ITGAE: variants seen among roughly 807,000 people sequenced by gnomAD.
ITGAE encodes the protein integrin subunit alpha E.
Under a neutral mutation model 136.5 loss-of-function variants are expected in ITGAE, and 99 were observed. The ratio of observed to expected loss-of-function variants is 0.73; its 90% CI spans 0.62 to 0.86. ITGAE has a LOEUF of 0.86. Among genes scored for constraint, ITGAE ranks in the 40% least tolerant of loss-of-function variants. The pLI is 0.00. For missense variants in ITGAE, 1,447 were observed against 1,515.3 expected (o/e 0.95, Z 0.75); for synonymous variants, 613 against 591.8 (o/e 1.04, Z -0.52).
chr17:3,772,656 G>A (rs935660877), intron 2 of ITGAE, among the ~76,000 whole-genome samples: 1 of 152,048 alleles, frequency 6.6e-6, no homozygotes, highest in Admixed American at 6.6e-5. Flanking sequence ...TAGGGACAAG[G>A]CTTCAGCATA....
chr17:3,762,050 C>A, intron 3 of ITGAE, 68 bp from the exon 4 acceptor site: 2 of 1,310,618 alleles, frequency 1.5e-6, no homozygotes, highest in South Asian at 2.5e-5. Context: ...AAGCCAAGGT[C>A]AGAGGGCACA....
Position 3,728,104 on chromosome 17 carries a change from C to A in ITGAE, c.2976+1G>T. 1 of 1,610,964 alleles carries A rather than the reference C, an allele frequency of 6.2e-7. No individual in the cohort carries two copies. The highest frequency in any genetic ancestry group is 1.1e-5 in the South Asian group (1 of 91,018). ...ACAGCTTTACAATAATAAGTACTTA[C>A]ATGGAAGAGGAATTCTTTGTGGTGA... On this transcript the variant is annotated splice_donor_variant, in intron 25 of 30. Transcript: ENST00000263087. LOFTEE classifies it high-confidence loss of function.
chr17:3,753,040 C>A (rs1597333608), intron 14 of ITGAE, among the ~76,000 whole-genome samples: 1 of 152,332 alleles, frequency 6.6e-6, no homozygotes, highest in African/African-American at 2.4e-5. Context: ...GAGAGCAAAA[C>A]TCCATCTCAA....
intron 1 of ITGAE, among the ~76,000 whole-genome samples, chr17:3,786,303 AG>A (rs2052796876): frequency 6.6e-6 from 1 of 152,132 alleles, no homozygotes; most frequent in Admixed American, 6.6e-5. Context: ...GTATCACCTG[AG>A]TAAGATATTT....
Position 3,745,834 on chromosome 17 carries a change from C to T in ITGAE, c.2249G>A (p.Gly750Asp). The change falls in exon 18 of 31, where the codon GGC becomes GAC. Residue 750 changes from glycine to aspartate, a missense_variant. This residue lies in a region of ITGAE where 1,031 missense variants were observed against 1,011.4 expected (regional missense o/e 1.02). Coordinates refer to ENST00000263087, the MANE Select transcript of ITGAE (RefSeq NM_002208.5). ...LQCSDVRSCL[G>D]CLREWSSGSQ... ...TCCGCTGCTCCACTCCCTCAGGCAG[C>T]CCAGACAGCTTCTTACGTCTGAACA... The T allele has an allele frequency of 3.1e-6, 5 of 1,614,074 alleles. No individual in the cohort carries two copies. The highest frequency in any genetic ancestry group is 4.2e-6 in the Non-Finnish European group (5 of 1,180,018).
At chr17:3,753,576 G>T (rs2051925005) in intron 13 of ITGAE, 146 bp from the exon 14 acceptor site, 11 of 1,168,584 alleles carry the variant, frequency 9.4e-6, no homozygotes, top group Non-Finnish European at 1.2e-5. Flanking sequence ...GAAGAGTGGA[G>T]GAGCAGCCCA....
chr17:3,723,084 C>T (rs751019966), intron 28 of ITGAE, among the ~76,000 whole-genome samples: 2 of 152,216 alleles, frequency 1.3e-5, no homozygotes, highest in Non-Finnish European at 2.9e-5. Context: ...CACAGGTAAT[C>T]CCTCGAGTTC....
chr17:3,797,228 C>T (rs1339679247), intron 1 of ITGAE, among the ~76,000 whole-genome samples: 26 of 138,274 alleles, frequency 1.9e-4, no homozygotes, highest in African/African-American at 6.2e-4. Context: ...TGCAGTGGCG[C>T]AATCTCGGCT....
At position 3,759,534 on chromosome 17, in the gene ITGAE, T is replaced by C; in HGVS notation, c.734A>G (p.Gln245Arg). ...KCFECNFALVQYGGVIQTEFD... is the reference protein window; with the variant it reads ...KCFECNFALVRYGGVIQTEFD... Reference sequence around the variant, plus strand: ...CTCAGTCTGGATCACTCCTCCATACTGCACCAAGGCAAAGTTGCACTGCAG... The same window carrying C: ...CTCAGTCTGGATCACTCCTCCATACCGCACCAAGGCAAAGTTGCACTGCAG... Residue 245 changes from glutamine to arginine, a missense_variant, in exon 8 of 31, where the codon CAG becomes CGG. Around this residue, in one of 3 missense-constraint regions of ITGAE, gnomAD observed 310 missense variants for 416.1 expected, o/e 0.74. Coordinates refer to ENST00000263087, the MANE Select transcript of ITGAE (RefSeq NM_002208.5). 1 of 1,613,040 alleles carries C rather than the reference T, an allele frequency of 6.2e-7. No homozygotes were observed. The highest frequency in any genetic ancestry group is 8.5e-7 in the Non-Finnish European group (1 of 1,179,068).
chr17:3,745,863 C>T lies in ITGAE; in HGVS notation c.2220G>A (p.Leu740=). Residue 740 remains leucine (L), a synonymous_variant, in exon 18 of 31, where the codon CTG becomes CTA. Coordinates refer to ENST00000263087, the MANE Select transcript of ITGAE (RefSeq NM_002208.5). The part of the protein sequence containing the change: ...DVDVGKQRRR[L]QCSDVRSCLG... ...GACAGCTTCTTACGTCTGAACACTG[C>T]AGCCGTCTCCTCTGCTTCCCCACAT... 6.2e-7 allele frequency: 1 copy of T among 1,614,058 alleles called. No homozygotes were observed. The highest frequency in any genetic ancestry group is 8.5e-7 in the Non-Finnish European group (1 of 1,180,022).
chr17:3,725,926 A>T (rs2051200291), intron 26 of ITGAE: 25 of 1,613,548 alleles, frequency 1.5e-5, no homozygotes, highest in Non-Finnish European at 2.1e-5. Flanking sequence ...AGCCTCAAAA[A>T]ACTCCACTAC....
intron 2 of ITGAE, among the ~76,000 whole-genome samples, chr17:3,766,159 G>A (rs1372393345): frequency 1.3e-5 from 2 of 152,162 alleles, no homozygotes; most frequent in Admixed American, 6.5e-5. Flanking sequence ...TCAGGGGGAC[G>A]TTGAGGCAGG....
At chr17:3,743,705 CTTT>C (rs34843140) in intron 18 of ITGAE, 88 bp from the exon 19 acceptor site, 919 of 932,328 alleles carry the variant, frequency 9.9e-4, no homozygotes, top group East Asian at 1.6e-3. Context: ...TTCTTTTTTT[CTTT>C]TTTTTTTTTT....
chr17:3,741,308 C>T (rs1161399596), intron 19 of ITGAE, among the ~76,000 whole-genome samples: 3 of 150,224 alleles, frequency 2.0e-5, no homozygotes, highest in South Asian at 2.1e-4. Flanking sequence ...AGGATGGTCT[C>T]GATCTCCTGA....
intron 2 of ITGAE, among the ~76,000 whole-genome samples, chr17:3,766,076 G>A (rs1315514260): frequency 9.9e-5 from 15 of 152,282 alleles, no homozygotes; most frequent in Admixed American, 9.2e-4. Flanking sequence ...TATCTAGGTG[G>A]GCTCAGTGAA....
In ITGAE at chr17:3,756,224, C is replaced by CTTTTTTTTTTTTTTTTTTTTTTTTT. The variant is rs398041526; in HGVS notation, c.1172-352_1172-328dup. Among the ~76,000 whole-genome samples, 8 of 95,028 alleles carry CTTTTTTTTTTTTTTTTTTTTTTTTT rather than the reference C, an allele frequency of 8.4e-5. 4 individuals are homozygous for CTTTTTTTTTTTTTTTTTTTTTTTTT. Among genetic ancestry groups the CTTTTTTTTTTTTTTTTTTTTTTTTT allele is most frequent in the African/African-American group, 8.0e-5 (2 of 25,112 alleles). The allele number at this position is 95,028 out of a possible 152,430, so 62.3% of individuals were successfully genotyped here. A position where few individuals can be genotyped will look rare whatever the true frequency, so the allele number is the denominator to read the frequency against. On this transcript the variant is annotated intron_variant, in intron 10 of 30. Transcript: ENST00000263087. ...AAGGAGGCCTGGGGATATTGTTGGC[C>CTTTTTTTTTTTTTTTTTTTTTTTTT]TTTTTTTTTTTTTTTTTTTTTTTTT...
chr17:3,760,937 C>A, intron 6 of ITGAE, 76 bp downstream of exon 6: 1 of 1,529,524 alleles, frequency 6.5e-7, no homozygotes, highest in South Asian at 1.2e-5. Flanking sequence ...ACTGAGGCAC[C>A]CCTCACCCTT....
chr17:3,743,805 C>G (rs552610031), intron 18 of ITGAE, among the ~76,000 whole-genome samples, 188 bp from the exon 19 acceptor site: 1 of 144,138 alleles, frequency 6.9e-6, no homozygotes, highest in Admixed American at 7.4e-5. Context: ...CGGGTTCAAG[C>G]GATTCTCCTA....
chr17:3,725,087 C>T (rs1181731542), intron 26 of ITGAE: 31 of 1,614,224 alleles, frequency 1.9e-5, no homozygotes, highest in Non-Finnish European at 2.5e-5. Flanking sequence ...GGACCAAAAC[C>T]AGGGCTTCCT....
Sources: allele counts gnomAD v4.1 joint callset (sites outside exome capture counted in the v4.1 genomes callset), GRCh38; gene constraint gnomAD v4.1.1; regional missense constraint gnomAD v4.1.1; transcripts MANE v1.5; gene names NCBI Gene and HGNC (gene_info 2026-07-23, HGNC 2026-07-21).